RNF43: variants seen among roughly 807,000 people sequenced by gnomAD.
RNF43 encodes the protein E3 ubiquitin-protein ligase RNF43.
RNF43 carries 37 observed loss-of-function variants against 78.4 expected under a neutral mutation model. The ratio of observed to expected loss-of-function variants is 0.47; its 90% CI spans 0.36 to 0.62. RNF43 has a LOEUF of 0.62. RNF43 is among the 20% of genes least tolerant of loss of function. RNF43 has a pLI of 0.00. For synonymous variants in RNF43, 347 were observed against 395.0 expected (o/e 0.88, Z 1.44); for missense variants, 774 against 1,007.9 (o/e 0.77, Z 3.14).
In RNF43 at chr17:58,360,613, T is replaced by TGACCAAACTTCAGAACCAAA. The variant is rs1033790858; in HGVS notation, c.849+169_849+170insTTTGGTTCTGAAGTTTGGTC. On this transcript the variant is annotated intron_variant, in intron 7 of 9. Coordinates refer to ENST00000407977, the MANE Select transcript of RNF43 (RefSeq NM_017763.6). The surrounding 1 kb of genome is among the most constrained non-coding windows in gnomAD (Gnocchi z 4.3). ...ACAATAGTGCTCTTTCACTGGAAGG[T>TGACCAAACTTCAGAACCAAA]CAGAAAAGTGACCAAACTTCAGGCT... is the stretch of plus-strand genomic sequence containing the variant. Among the ~76,000 whole-genome samples the TGACCAAACTTCAGAACCAAA allele has an allele frequency of 3.9e-5, 6 of 152,246 alleles. No individual in the cohort carries two copies. The highest frequency in any genetic ancestry group is 1.4e-4 in the African/African-American group (6 of 41,538).
intron 2 of RNF43, among the ~76,000 whole-genome samples, chr17:58,413,516 C>T (rs1974064818): frequency 6.6e-6 from 1 of 151,836 alleles, no homozygotes; most frequent in Admixed American, 6.6e-5. Context: ...AAAGTCTTTG[C>T]TAAGTTATGA....
chr17:58,371,604 C>A (rs1055957269), intron 2 of RNF43, among the ~76,000 whole-genome samples: 1 of 152,226 alleles, frequency 6.6e-6, no homozygotes, highest in South Asian at 2.1e-4. Context: ...CTCTCACTAG[C>A]CCCTTTTTTG....
Position 58,354,803 on chromosome 17 carries a change from T to A in RNF43, c.*140A>T. ...TCTCACCCTCCACCATCACCAGTCC[T>A]CTTCCAGTGCTTCTAGGAAGTACGG... On this transcript the variant is annotated 3_prime_UTR_variant, in exon 10 of 10. Transcript: ENST00000407977. 3.8e-6 allele frequency: 3 copies of A among 780,108 alleles called. No individual in the cohort carries two copies. In the South Asian group the frequency reaches 4.5e-5, roughly 12 times the overall value. 48.3% of individuals were successfully genotyped at this position (780,108 alleles called of 1,614,324 possible). A position where few individuals can be genotyped will look rare whatever the true frequency, so the allele number is the denominator to read the frequency against.
intron 2 of RNF43, among the ~76,000 whole-genome samples, chr17:58,389,798 T>C (rs566280425): frequency 6.6e-6 from 1 of 152,258 alleles, no homozygotes; most frequent in Non-Finnish European, 1.5e-5. Flanking sequence ...TACATAAATA[T>C]GATCTAACAC....
chr17:58,387,675 A>C (rs1020543952), intron 2 of RNF43, among the ~76,000 whole-genome samples: 6 of 152,150 alleles, frequency 3.9e-5, no homozygotes, highest in African/African-American at 9.7e-5. Flanking sequence ...AAAAAACAAA[A>C]AAACAAAGTG....
rs62636625 is a variant in RNF43 at position 58,358,191 on chromosome 17, G to A, written c.1585C>T (p.Arg529Trp). The A allele has an allele frequency of 1.4e-3, 2,257 of 1,612,752 alleles. 29 individuals are homozygous for A. The African/African-American group carries it at 0.026, about 19-fold the overall frequency. ...ACCACCGAGTCCAAGGAACGAGGCC[G>A]AGAGGTCACACTAGGCTGCATGTCC... is the stretch of plus-strand genomic sequence containing the variant. The part of the protein sequence containing the change: ...RVDMQPSVTS[R>W]PRSLDSVVPT... Residue 529 changes from arginine to tryptophan, a missense_variant, in exon 9 of 10, where the codon CGG becomes TGG. Coordinates refer to ENST00000407977, the MANE Select transcript of RNF43 (RefSeq NM_017763.6). This position sits in a 1 kb window ranked among gnomAD's most constrained non-coding sequence, Gnocchi z 6.2.
chr17:58,380,748 T>C (rs1422977504), intron 2 of RNF43, among the ~76,000 whole-genome samples: 2 of 152,196 alleles, frequency 1.3e-5, no homozygotes, highest in Non-Finnish European at 2.9e-5. Context: ...AGTTTGGTGA[T>C]TGCAGTGCAA....
chr17:58,361,438 C>T (rs2143451918), intron 6 of RNF43, among the ~76,000 whole-genome samples: 1 of 152,290 alleles, frequency 6.6e-6, no homozygotes, highest in Admixed American at 6.5e-5. Context: ...ATACCCAGAG[C>T]CTAACTATTG....
intron 2 of RNF43, among the ~76,000 whole-genome samples, chr17:58,407,003 G>A (rs189467792): frequency 2.0e-5 from 3 of 149,012 alleles, no homozygotes; most frequent in East Asian, 4.0e-4. Context: ...TAGATTTAAA[G>A]CAACAACAAC....
At chr17:58,411,184 G>T (rs1039118630) in intron 2 of RNF43, among the ~76,000 whole-genome samples, 1 of 152,118 alleles carries the variant, frequency 6.6e-6, no homozygotes, top group African/African-American at 2.4e-5. Flanking sequence ...TGGCAATATT[G>T]TATTTTAATT....
intron 2 of RNF43, chr17:58,395,022 G>A (rs969798893): frequency 2.0e-5 from 3 of 152,166 alleles, no homozygotes; most frequent in South Asian, 4.1e-4. Context: ...CAAGTATATC[G>A]AGAGGAAAAC....
At chr17:58,362,455 G>A in intron 6 of RNF43, 89 bp downstream of exon 6, 1 of 866,554 alleles carries the variant, frequency 1.2e-6, no homozygotes, top group Non-Finnish European at 1.8e-6. Context: ...GTATAAAGGT[G>A]CCTTCTTCAC....
chr17:58,380,950 G>A (rs1007801831), intron 2 of RNF43, among the ~76,000 whole-genome samples: 40 of 152,168 alleles, frequency 2.6e-4, no homozygotes, highest in Admixed American at 1.2e-3. Context: ...CAAATGGGCT[G>A]GCTCAATGAA....
intron 2 of RNF43, among the ~76,000 whole-genome samples, chr17:58,389,483 A>AT (rs1973503180): frequency 1.3e-5 from 2 of 152,228 alleles, no homozygotes; most frequent in African/African-American, 4.8e-5. Context: ...ACTGATTCTG[A>AT]TATATGCTAA....
At position 58,364,132 on chromosome 17, in the gene RNF43, C is replaced by T. The variant is rs1001155591; in HGVS notation, c.376-532G>A. Among the ~76,000 whole-genome samples the T allele has an allele frequency of 2.6e-5, 4 of 152,216 alleles. 1 individual carries two copies. In the South Asian group the frequency reaches 8.3e-4, roughly 31 times the overall value. On this transcript the variant is annotated intron_variant, in intron 3 of 9. Coordinates refer to ENST00000407977, the MANE Select transcript of RNF43 (RefSeq NM_017763.6). ...GCAAAGGTCTAAGAGCCTGGGACGC[C>T]ACTCTCACGCAAGGCCACCATCACA...
At chr17:58,370,089 G>A (rs1301595438) in intron 3 of RNF43, among the ~76,000 whole-genome samples, 51 of 65,850 alleles carry the variant, frequency 7.7e-4, no homozygotes, top group Non-Finnish European at 1.3e-3. Context: ...TTTTTTTTGA[G>A]ACAAAGTCCC....
chr17:58,402,442 C>T (rs1243265947), intron 2 of RNF43, among the ~76,000 whole-genome samples: 1 of 152,036 alleles, frequency 6.6e-6, no homozygotes, highest in African/African-American at 2.4e-5. Flanking sequence ...ATTTTTTTCC[C>T]CTAATTCTTG....
intron 2 of RNF43, among the ~76,000 whole-genome samples, chr17:58,386,504 C>T (rs1020019151): frequency 6.6e-6 from 1 of 152,166 alleles, no homozygotes; most frequent in Admixed American, 6.5e-5. Context: ...ATTTAAAGTA[C>T]CAGCAGTTCC....
Position 58,358,453 on chromosome 17 carries a change from A to T in RNF43, c.1323T>A (p.Pro441=). The T allele has an allele frequency of 6.2e-7, 1 of 1,613,990 alleles. No homozygotes were observed. Among genetic ancestry groups the T allele is most frequent in the Non-Finnish European group, 8.5e-7 (1 of 1,179,968 alleles). ...AGCTTTCTCCAGATCCACTGCTGTC[A>T]GGGGGCCTGGCCCGGCGTAGGGGCA... ...CPVPLRRARP[P]DSSGSGESYC... Residue 441 remains proline, a synonymous_variant, in exon 9 of 10, where the codon CCT becomes CCA. Transcript: ENST00000407977. This position sits in a 1 kb window ranked among gnomAD's most constrained non-coding sequence, Gnocchi z 6.2.
Sources: allele counts gnomAD v4.1 joint callset (sites outside exome capture counted in the v4.1 genomes callset), GRCh38; gene constraint gnomAD v4.1.1; non-coding constraint Gnocchi (gnomAD v3.1); transcripts MANE v1.5; gene names NCBI Gene and HGNC (gene_info 2026-07-23, HGNC 2026-07-21).